The following FYTTD1 variants were observed in gnomAD, a reference collection of about 807,000 sequenced individuals.
The protein encoded by FYTTD1 is forty-two-three domain containing 1, also known as UAP56-interacting factor.
In FYTTD1, 22 loss-of-function variants were observed where a neutral mutation model predicts 40.9. The ratio of observed to expected loss-of-function variants is 0.54; its 90% CI spans 0.38 to 0.77. The LOEUF is 0.77. Ranked by LOEUF, FYTTD1 falls within the 30% of genes least tolerant of loss-of-function variation. FYTTD1 has a pLI of 0.00. For missense variants in FYTTD1, 351 were observed against 392.2 expected, an observed-to-expected ratio of 0.90 and a Z score of 0.89; for synonymous variants, 140 against 137.9, an observed-to-expected ratio of 1.01 and a Z score of -0.10.
At chr3:197,762,896 A>G (rs1020366287) in intron 2 of FYTTD1, among the ~76,000 whole-genome samples, 1 of 151,918 alleles carries the variant, frequency 6.6e-6, no homozygotes, top group South Asian at 2.1e-4. Context: ...AAAAAAAACT[A>G]GTGGATACTA....
chr3:197,757,400 A>G (rs558510727), intron 2 of FYTTD1, among the ~76,000 whole-genome samples: 1 of 152,244 alleles, frequency 6.6e-6, no homozygotes, highest in South Asian at 2.1e-4. Flanking sequence ...ATTGATTTTT[A>G]TTCTATATGT....
chr3:197,760,669 T>C (rs993664463), intron 2 of FYTTD1, among the ~76,000 whole-genome samples: 21 of 151,782 alleles, frequency 1.4e-4, no homozygotes, highest in African/African-American at 5.1e-4. Context: ...GTAGAACATA[T>C]AGAGTTGTTC....
intron 2 of FYTTD1, chr3:197,763,451 A>G (rs917161476): frequency 1.0e-5 from 4 of 397,486 alleles, no homozygotes; most frequent in African/African-American, 8.7e-5. Flanking sequence ...TAATTGCAGT[A>G]AATATAACCC....
At chr3:197,754,432 T>C (rs1729153130) in intron 1 of FYTTD1, among the ~76,000 whole-genome samples, 2 of 152,156 alleles carry the variant, frequency 1.3e-5, no homozygotes, top group African/African-American at 2.4e-5. Flanking sequence ...AGATTAGAGA[T>C]TGGTTAGGTA....
intron 4 of FYTTD1, among the ~76,000 whole-genome samples, chr3:197,772,530 A>T (rs1729749886): frequency 6.6e-6 from 1 of 152,164 alleles, no homozygotes; most frequent in African/African-American, 2.4e-5. Context: ...ACTTAAAATT[A>T]AAAAAAAGAA....
chr3:197,777,269 T>A (rs1275972565), intron 7 of FYTTD1, among the ~76,000 whole-genome samples: 1 of 152,216 alleles, frequency 6.6e-6, no homozygotes, highest in Non-Finnish European at 1.5e-5. Context: ...GTGTACCCTT[T>A]TTTTGGAGGC....
At chr3:197,753,934 G>T (rs1364499385) in intron 1 of FYTTD1, among the ~76,000 whole-genome samples, 1 of 151,864 alleles carries the variant, frequency 6.6e-6, no homozygotes, top group Admixed American at 6.6e-5. Flanking sequence ...TAGACACAGG[G>T]TTTCACCATA....
At chr3:197,750,509 G>C in intron 1 of FYTTD1, 1 of 986,522 alleles carries the variant, frequency 1.0e-6, no homozygotes, top group Non-Finnish European at 1.2e-6. Context: ...TCTCTCTGAA[G>C]AAAGGTCTTG....
intron 2 of FYTTD1, among the ~76,000 whole-genome samples, chr3:197,761,464 T>C (rs1729387043): frequency 6.6e-6 from 1 of 151,946 alleles, no homozygotes; most frequent in Non-Finnish European, 1.5e-5. Flanking sequence ...TCTTCAGTGG[T>C]AGAATGTATA....
chr3:197,767,441 A>ATT (rs35419113), intron 2 of FYTTD1, among the ~76,000 whole-genome samples: 89,697 of 144,970 alleles, frequency 0.62, 28,755 homozygotes, highest in East Asian at 0.85. Flanking sequence ...CCTGGCTGCT[A>ATT]TTTTTTTTTT....
chr3:197,785,470 A>G lies in FYTTD1; in HGVS notation c.*3561A>G, dbSNP rs1390750074. On this transcript the variant is annotated 3_prime_UTR_variant, in exon 9 of 9. Coordinates refer to ENST00000241502, the MANE Select transcript of FYTTD1 (RefSeq NM_032288.7). ...AATCGTAAAATACTGTGTCTGAGGA[A>G]ACAGGCCTCATTGCTCAGCAGTGAG... The G allele has an allele frequency of 6.6e-6, 1 of 152,240 alleles. No individual in the cohort carries two copies. Among genetic ancestry groups the G allele is most frequent in the African/African-American group, 2.4e-5 (1 of 41,462 alleles). 9.4% of individuals were successfully genotyped at this position (152,240 alleles called of 1,614,324 possible).
At chr3:197,755,055 T>G (rs1729170597) in intron 1 of FYTTD1, among the ~76,000 whole-genome samples, 1 of 152,190 alleles carries the variant, frequency 6.6e-6, no homozygotes, top group African/African-American at 2.4e-5. Context: ...CTTCACCTTG[T>G]TCTGTTGTGT....
In FYTTD1 at chr3:197,760,163, G is replaced by A. The variant is rs532399338; in HGVS notation, c.235+3606G>A. On this transcript the variant is annotated intron_variant, in intron 2 of 8. Transcript: ENST00000241502. Reference sequence around the variant, plus strand: ...ATAGAGTGTTCCTCTGTGGTAGAACGTATTGAGTTGTTCCTCAGTGGTAGA... The same window carrying A: ...ATAGAGTGTTCCTCTGTGGTAGAACATATTGAGTTGTTCCTCAGTGGTAGA... Among the ~76,000 whole-genome samples, 6 of 136,456 alleles carry A rather than the reference G, an allele frequency of 4.4e-5. No individual in the cohort carries two copies. In the East Asian group the frequency reaches 8.6e-4, roughly 19 times the overall value. The allele number at this position is 136,456 out of a possible 152,430, so 89.5% of individuals were successfully genotyped here.
chr3:197,785,456 A>G lies in FYTTD1; in HGVS notation c.*3547A>G, dbSNP rs1466904552. The G allele has an allele frequency of 2.0e-5, 3 of 152,236 alleles. No homozygotes were observed. The highest frequency in any genetic ancestry group is 2.9e-5 in the Non-Finnish European group (2 of 68,052). 9.4% of individuals were successfully genotyped at this position (152,236 alleles called of 1,614,324 possible). Reference sequence around the variant, plus strand: ...CAACTGTTTAAGCCAATCGTAAAATACTGTGTCTGAGGAAACAGGCCTCAT... The same window carrying G: ...CAACTGTTTAAGCCAATCGTAAAATGCTGTGTCTGAGGAAACAGGCCTCAT... On this transcript the variant is annotated 3_prime_UTR_variant, in exon 9 of 9. Coordinates refer to ENST00000241502, the MANE Select transcript of FYTTD1 (RefSeq NM_032288.7).
chr3:197,751,895 G>A (rs571153917), intron 1 of FYTTD1, among the ~76,000 whole-genome samples: 8 of 152,098 alleles, frequency 5.3e-5, no homozygotes, highest in African/African-American at 1.7e-4. Flanking sequence ...TATTTGAGAC[G>A]GAGTCTGGCT....
In FYTTD1 at chr3:197,782,897, G is replaced by GA. The variant is rs1408192134; in HGVS notation, c.*992dup. ...TATTTGAAGTTAAAATTTCTTATTT[G>GA]AAAAGTTGAAATTTATGAGCTTTGA... On this transcript the variant is annotated 3_prime_UTR_variant, in exon 9 of 9. Coordinates refer to ENST00000241502, the MANE Select transcript of FYTTD1 (RefSeq NM_032288.7). 6.6e-6 allele frequency: 1 copy of GA among 152,444 alleles called. No homozygotes were observed. The highest frequency in any genetic ancestry group is 1.9e-4 in the East Asian group (1 of 5,186). 9.4% of individuals were successfully genotyped at this position (152,444 alleles called of 1,614,324 possible). A position where few individuals can be genotyped will look rare whatever the true frequency, so the allele number is the denominator to read the frequency against.
intron 2 of FYTTD1, among the ~76,000 whole-genome samples, chr3:197,760,038 T>G (rs1425618212): frequency 6.6e-6 from 1 of 152,066 alleles, no homozygotes; most frequent in Admixed American, 6.5e-5. Flanking sequence ...ATGGAGTTGT[T>G]CTTCCGTGGT....
chr3:197,775,802 C>T (rs1379106451), intron 6 of FYTTD1, among the ~76,000 whole-genome samples: 1 of 152,134 alleles, frequency 6.6e-6, no homozygotes, highest in African/African-American at 2.4e-5. Context: ...ATAATTGTAG[C>T]CTTTTTGCTT....
rs759753903 is a variant in FYTTD1, at chr3:197,777,037, C to T, written c.731+36C>T. On this transcript the variant is annotated intron_variant, in intron 7 of 8. Transcript: ENST00000241502. ...TCTTTCTTTTTGCAAAAATTATAAC[C>T]TCTCATTACATGAGATCATAAGAAA... 4 of 1,243,620 alleles carry T rather than the reference C, an allele frequency of 3.2e-6. No homozygotes were observed. The South Asian group carries it at 5.1e-5, about 16-fold the overall frequency. 77.0% of individuals were successfully genotyped at this position (1,243,620 alleles called of 1,614,324 possible).
Sources: allele counts gnomAD v4.1 joint callset (sites outside exome capture counted in the v4.1 genomes callset), GRCh38; gene constraint gnomAD v4.1.1; transcripts MANE v1.5; gene names NCBI Gene and HGNC (gene_info 2026-07-23, HGNC 2026-07-21).